Variants in PARN observed in about 807,000 individuals in gnomAD.
The protein encoded by PARN is poly(A)-specific ribonuclease PARN.
A neutral mutation model predicts 102.8 loss-of-function variants in PARN; 71 were observed. That is an observed-to-expected ratio of 0.69 (90% CI 0.57 to 0.84). The LOEUF (loss-of-function observed/expected upper bound fraction) is 0.84. PARN is among the 40% of genes least tolerant of loss of function. The pLI, the probability that PARN is intolerant of heterozygous loss-of-function variation, is 0.00. For missense variants in PARN, 782 were observed against 760.9 expected (o/e 1.03, Z -0.33); for synonymous variants, 261 against 252.9 (o/e 1.03, Z -0.30).
intron 7 of PARN, among the ~76,000 whole-genome samples, chr16:14,610,180 T>C (rs1971441026): frequency 6.6e-6 from 1 of 152,222 alleles, no homozygotes; most frequent in Admixed American, 6.5e-5. Flanking sequence ...TTACACTAAT[T>C]TGAATATGCC....
At chr16:14,541,944 G>A (rs1966843502) in intron 21 of PARN, among the ~76,000 whole-genome samples, 1 of 152,120 alleles carries the variant, frequency 6.6e-6, no homozygotes, top group African/African-American at 2.4e-5. Flanking sequence ...CCATTCTCAA[G>A]GGAAACCATC....
At chr16:14,522,732 G>GCC (rs1237899235) in intron 21 of PARN, among the ~76,000 whole-genome samples, 1 of 152,146 alleles carries the variant, frequency 6.6e-6, no homozygotes, top group Non-Finnish European at 1.5e-5. Context: ...CAGAAAGGCT[G>GCC]CCCCCTCCAA....
Position 14,514,648 on chromosome 16 carries a change from A to G in PARN, c.1481-31821T>C, listed in dbSNP as rs562556148. Among the ~76,000 whole-genome samples the G allele has an allele frequency of 2.6e-5, 4 of 152,356 alleles. No individual in the cohort carries two copies. The South Asian group carries it at 8.3e-4, about 32-fold the overall frequency. On this transcript the variant is annotated intron_variant, in intron 21 of 23. Coordinates refer to ENST00000437198, the MANE Select transcript of PARN (RefSeq NM_002582.4). ...TAATATAAAATACCATACTTAAAAT[A>G]TGCCATATTTTATGAGTTCTGGCCC...
intron 22 of PARN, among the ~76,000 whole-genome samples, chr16:14,476,649 G>GTAAT (rs1339938892): frequency 1.3e-5 from 2 of 152,248 alleles, no homozygotes; most frequent in African/African-American, 4.8e-5. Flanking sequence ...GGGTAACATA[G>GTAAT]CGAGACCCCA....
chr16:14,564,435 G>A (rs1968300829), intron 18 of PARN, among the ~76,000 whole-genome samples: 1 of 152,196 alleles, frequency 6.6e-6, no homozygotes, highest in Non-Finnish European at 1.5e-5. Context: ...AGAGCCATGT[G>A]GCCGGAGATC....
intron 21 of PARN, among the ~76,000 whole-genome samples, chr16:14,504,876 T>TA (rs1964808313): frequency 6.7e-6 from 1 of 150,118 alleles, no homozygotes; most frequent in Admixed American, 6.6e-5. Flanking sequence ...AGCCTCCATT[T>TA]AAAAGTTAAA....
chr16:14,501,535 G>A (rs1340628677), intron 21 of PARN: 1 of 149,982 alleles, frequency 6.7e-6, no homozygotes, highest in Non-Finnish European at 1.5e-5. Flanking sequence ...AGCTTGCAGA[G>A]CCAAGTTTAT....
intron 21 of PARN, among the ~76,000 whole-genome samples, chr16:14,486,044 A>T (rs761434285): frequency 6.6e-6 from 1 of 152,172 alleles, no homozygotes; most frequent in Non-Finnish European, 1.5e-5. Context: ...CACACCCAAA[A>T]GGGATGACAT....
In PARN at chr16:14,578,331, CAAAAAAAAAA is replaced by C. The variant is rs1199897215; in HGVS notation, c.1262+2533_1262+2542del. Among the ~76,000 whole-genome samples the C allele has an allele frequency of 8.9e-5, 4 of 44,964 alleles. No individual in the cohort carries two copies. The East Asian group carries it at 1.9e-3, about 21-fold the overall frequency. 29.5% of individuals were successfully genotyped at this position (44,964 alleles called of 152,430 possible). A position where few individuals can be genotyped will look rare whatever the true frequency, so the allele number is the denominator to read the frequency against. ...GTGACAGAGTGAGACTCTGTCTCACCAAAAAAAAAAAAAAAAAAAAAGAGGAATAAAAACA... is the reference window on the plus strand; with the variant it reads ...GTGACAGAGTGAGACTCTGTCTCACCAAAAAAAAAAAGAGGAATAAAAACA... On this transcript the variant is annotated intron_variant, in intron 18 of 23. Coordinates refer to ENST00000437198, the MANE Select transcript of PARN (RefSeq NM_002582.4).
At chr16:14,533,128 GT>G (rs1409998120) in intron 21 of PARN, among the ~76,000 whole-genome samples, 2 of 152,156 alleles carry the variant, frequency 1.3e-5, no homozygotes, top group Admixed American at 1.3e-4. Flanking sequence ...TGAGCACTGA[GT>G]GAACCAGACT....
intron 21 of PARN, among the ~76,000 whole-genome samples, chr16:14,548,309 T>A (rs868240241): frequency 1.3e-5 from 2 of 151,996 alleles, no homozygotes; most frequent in South Asian, 2.1e-4. Context: ...CTTCTTATCA[T>A]TAGAATCACC....
At chr16:14,457,349 T>C (rs965186097) in intron 22 of PARN, among the ~76,000 whole-genome samples, 3 of 152,122 alleles carry the variant, frequency 2.0e-5, no homozygotes, top group African/African-American at 7.2e-5. Context: ...GTTCACAAAC[T>C]TTCATGGTGA....
intron 5 of PARN, among the ~76,000 whole-genome samples, chr16:14,626,068 C>A (rs567064524): frequency 6.6e-6 from 1 of 152,302 alleles, no homozygotes; most frequent in African/African-American, 2.4e-5. Flanking sequence ...CTAATATTGA[C>A]CCATCAATTA....
At chr16:14,441,757 C>A (rs1335418022) in intron 23 of PARN, among the ~76,000 whole-genome samples, 1 of 152,206 alleles carries the variant, frequency 6.6e-6, no homozygotes, top group African/African-American at 2.4e-5. Context: ...TAAAAGGCTC[C>A]TTGGGAGGCC....
intron 21 of PARN, among the ~76,000 whole-genome samples, chr16:14,546,260 T>A (rs1024730377): frequency 7.2e-5 from 11 of 152,220 alleles, no homozygotes; most frequent in Non-Finnish European, 1.5e-4. Context: ...CTAATATTTA[T>A]CTGTTCAGCA....
chr16:14,518,328 T>C (rs1298467410), intron 21 of PARN, among the ~76,000 whole-genome samples: 2 of 145,946 alleles, frequency 1.4e-5, no homozygotes, highest in Non-Finnish European at 3.0e-5. Context: ...ACTACTCATA[T>C]TAAAGAATTG....
intron 21 of PARN, among the ~76,000 whole-genome samples, chr16:14,535,283 C>G (rs1047176261): frequency 6.6e-6 from 1 of 152,148 alleles, no homozygotes; most frequent in Non-Finnish European, 1.5e-5. Context: ...TTTAAGTTAC[C>G]TAACACTCCA....
intron 22 of PARN, among the ~76,000 whole-genome samples, chr16:14,463,848 G>A (rs1281795367): frequency 7.2e-6 from 1 of 139,436 alleles, no homozygotes; most frequent in Non-Finnish European, 1.6e-5. Context: ...TGGGGGGGGG[G>A]GGACGACAAG....
chr16:14,604,284 G>T, intron 10 of PARN, 58 bp from the exon 11 acceptor site: 1 of 1,105,168 alleles, frequency 9.0e-7, no homozygotes, highest in Non-Finnish European at 1.3e-6. Flanking sequence ...TTTTGAGACA[G>T]AGTTTCGCTC....
Sources: gnomAD v4.1 joint callset for allele counts (sites outside exome capture counted in the v4.1 genomes callset) on GRCh38, gnomAD v4.1.1 for gene constraint, MANE v1.5 for transcripts, NCBI Gene and HGNC (gene_info 2026-07-23, HGNC 2026-07-21) for gene names.